CHRND: variants seen among roughly 807,000 people sequenced by gnomAD.
The protein encoded by CHRND is cholinergic receptor nicotinic delta subunit.
Under a neutral mutation model 57.8 loss-of-function variants are expected in CHRND, and 40 were observed. The observed-to-expected ratio is 0.69, with a 90% CI of 0.54 to 0.90. The LOEUF is 0.90. CHRND is among the 40% of genes least tolerant of loss of function. The probability of loss-of-function intolerance (pLI) is 0.00; values close to 1 mark genes in which losing one functional copy is unlikely to be tolerated. For synonymous variants in CHRND, 237 were observed against 270.6 expected, an observed-to-expected ratio of 0.88 and a Z score of 1.22; for missense variants, 634 against 673.9, an observed-to-expected ratio of 0.94 and a Z score of 0.66.
rs1429000526 is a variant in CHRND, at chr2:232,533,654, C to T, written c.1048-277C>T. Among the ~76,000 whole-genome samples, 4 of 152,142 alleles carry T rather than the reference C, an allele frequency of 2.6e-5. No individual in the cohort carries two copies. In the East Asian group the frequency reaches 5.8e-4, roughly 22 times the overall value. On this transcript the variant is annotated intron_variant, in intron 9 of 11. Coordinates refer to ENST00000258385, the MANE Select transcript of CHRND (RefSeq NM_000751.3). ...CAGCACTTTGGGAGGCCAAGTCAGG[C>T]AGATCACGAGGTCAGGAGAGCAAGA...
In CHRND at chr2:232,535,691, C is replaced by A. The variant is rs552885486; in HGVS notation, c.*379C>A. 1 of 470,436 alleles carries A rather than the reference C, an allele frequency of 2.1e-6. No individual in the cohort carries two copies. Among genetic ancestry groups the A allele is most frequent in the South Asian group, 1.6e-5 (1 of 64,398 alleles). The allele number at this position is 470,436 out of a possible 1,614,324, so 29.1% of individuals were successfully genotyped here. ...GTGGGGTAGAGCAGGCAGGAATCTG[C>A]GCCTTCACTCTCTGGCCCCTCCAGC... On this transcript the variant is annotated 3_prime_UTR_variant, in exon 12 of 12. Coordinates refer to ENST00000258385, the MANE Select transcript of CHRND (RefSeq NM_000751.3).
At position 232,535,894 on chromosome 2, in the gene CHRND, A is replaced by T; in HGVS notation, c.*582A>T. ...GACTGGAGTGGAAAGGTCAGGATCGACATCCACAAAGACTTGGGGTCAGCC... is the reference window on the plus strand; with the variant it reads ...GACTGGAGTGGAAAGGTCAGGATCGTCATCCACAAAGACTTGGGGTCAGCC... On this transcript the variant is annotated 3_prime_UTR_variant, in exon 12 of 12. Transcript: ENST00000258385. 2.2e-6 allele frequency: 1 copy of T among 454,100 alleles called. No individual in the cohort carries two copies. Among genetic ancestry groups the T allele is most frequent in the East Asian group, 6.9e-5 (1 of 14,394 alleles). The allele number at this position is 454,100 out of a possible 1,614,324, so 28.1% of individuals were successfully genotyped here.
chr2:232,526,832 C>G (rs1248895940), intron 2 of CHRND, among the ~76,000 whole-genome samples, 158 bp downstream of exon 2: 3 of 152,200 alleles, frequency 2.0e-5, no homozygotes, highest in Non-Finnish European at 4.4e-5. Flanking sequence ...AGGCTGCTGT[C>G]CTGCCCCTCC....
In CHRND at chr2:232,528,549, C is replaced by T; in HGVS notation, c.402C>T (p.Tyr134=). ...QISYSCNVLV[Y]HYGFVYWLPP... ...CCTACTCCTGCAACGTGCTTGTCTACCACTACGGCTTCGTGTACTGGCTGC... is the reference window on the plus strand; with the variant it reads ...CCTACTCCTGCAACGTGCTTGTCTATCACTACGGCTTCGTGTACTGGCTGC... Residue 134 remains tyrosine, a synonymous_variant, in exon 5 of 12, where the codon TAC becomes TAT. Coordinates refer to ENST00000258385, the MANE Select transcript of CHRND (RefSeq NM_000751.3). The T allele has an allele frequency of 6.2e-7, 1 of 1,614,160 alleles. No individual in the cohort carries two copies. Among genetic ancestry groups the T allele is most frequent in the African/African-American group, 1.3e-5 (1 of 75,040 alleles).
intron 11 of CHRND, 83 bp downstream of exon 11, chr2:232,534,425 C>T: frequency 7.4e-7 from 1 of 1,355,654 alleles, no homozygotes; most frequent in Non-Finnish European, 1.1e-6. Flanking sequence ...GGCAGGGTTC[C>T]CCTTAGAGGC....
In CHRND at chr2:232,533,927, C is replaced by T. The variant is rs1476624295; in HGVS notation, c.1048-4C>T. The T allele has an allele frequency of 6.2e-7, 1 of 1,611,992 alleles. No individual in the cohort carries two copies. Among genetic ancestry groups the T allele is most frequent in the East Asian group, 2.2e-5 (1 of 44,894 alleles). ...TTTCTTGTGGCCCCTTGACATGGCC[C>T]CAGCTCTTCCTGGAGACCCTGCCGG... On this transcript the variant is annotated splice_polypyrimidine_tract_variant and splice_region_variant and intron_variant, in intron 9 of 11. Transcript: ENST00000258385.
chr2:232,534,220 G>C lies in CHRND; in HGVS notation c.1253-4G>C. The stretch of plus-strand genomic sequence containing the variant: ...TCACACCCACTCTGGCCCCTCGTCT[G>C]TAGGCCGGCCCCCAGCAAGCTCTGA... On this transcript the variant is annotated splice_region_variant and splice_polypyrimidine_tract_variant and intron_variant, in intron 10 of 11. Coordinates refer to ENST00000258385, the MANE Select transcript of CHRND (RefSeq NM_000751.3). 1 of 1,614,206 alleles carries C rather than the reference G, an allele frequency of 6.2e-7. No homozygotes were observed. The highest frequency in any genetic ancestry group is 8.5e-7 in the Non-Finnish European group (1 of 1,180,036).
In CHRND at chr2:232,528,507, C is replaced by T. The variant is rs764641517; in HGVS notation, c.360C>T (p.Asp120=). ...TCTTGTCCCTGTCCCCCAGCAATGA[C>T]GGCTCCTTCCAGATCTCCTACTCCT... is the stretch of plus-strand genomic sequence containing the variant. ...LPEIVLENNN[D]GSFQISYSCN... is the part of the protein sequence containing the mutation. The change falls in exon 5 of 12, where the codon GAC becomes GAT. Residue 120 remains aspartate (D), a synonymous_variant. Coordinates refer to ENST00000258385, the MANE Select transcript of CHRND (RefSeq NM_000751.3). 46 of 1,613,964 alleles carry T rather than the reference C, an allele frequency of 2.9e-5. No homozygotes were observed. The highest frequency in any genetic ancestry group is 2.5e-4 in the African/African-American group (19 of 74,888).
chr2:232,532,252 G>A (rs1186854531), intron 9 of CHRND, among the ~76,000 whole-genome samples: 1 of 152,026 alleles, frequency 6.6e-6, no homozygotes, highest in Non-Finnish European at 1.5e-5. Context: ...TGGATCACCT[G>A]AGGTCAAGAG....
At position 232,535,365 on chromosome 2, in the gene CHRND, G is replaced by A; in HGVS notation, c.*53G>A. On this transcript the variant is annotated 3_prime_UTR_variant, in exon 12 of 12. Transcript: ENST00000258385. ...AGCAGGGTCTGAGAGAGGAGCCACAGTCCCTAATGACACCCACTCCTAGCC... is the reference window on the plus strand; with the variant it reads ...AGCAGGGTCTGAGAGAGGAGCCACAATCCCTAATGACACCCACTCCTAGCC... The A allele has an allele frequency of 6.3e-7, 1 of 1,595,680 alleles. No homozygotes were observed. The highest frequency in any genetic ancestry group is 1.3e-5 in the African/African-American group (1 of 74,866).
At chr2:232,526,823 G>A in intron 2 of CHRND, 149 bp downstream of exon 2, 1 of 820,274 alleles carries the variant, frequency 1.2e-6, no homozygotes, top group South Asian at 1.6e-5. Context: ...TGCCCTGAGA[G>A]GCTGCTGTCC....
intron 2 of CHRND, 24 bp downstream of exon 2, chr2:232,526,698 T>G: frequency 6.2e-7 from 1 of 1,611,978 alleles, no homozygotes; most frequent in Non-Finnish European, 8.5e-7. Context: ...CGGTGCTGGG[T>G]TGGGAGGGAG....
chr2:232,528,923 C>T lies in CHRND; in HGVS notation c.571C>T (p.Arg191Cys), dbSNP rs778217557. The change falls in exon 6 of 12, where the codon CGC (arginine) becomes TGC (cysteine). Residue 191 changes from arginine (R) to cysteine (C), a missense_variant. Coordinates refer to ENST00000258385, the MANE Select transcript of CHRND (RefSeq NM_000751.3). Reference protein sequence around the residue: ...LSLKQDAKENRTYPVEWIIID... With the variant: ...LSLKQDAKENCTYPVEWIIID... ...CCTGAAACAGGATGCCAAGGAGAAC[C>T]GCACCTACCCCGTGGAGTGGATCAT... is the stretch of plus-strand genomic sequence containing the variant. 25 of 1,613,980 alleles carry T rather than the reference C, an allele frequency of 1.5e-5. No homozygotes were observed. The highest frequency in any genetic ancestry group is 3.3e-5 in the South Asian group (3 of 91,074).
intron 9 of CHRND, 32 bp downstream of exon 9, chr2:232,531,688 A>G (rs1379165620): frequency 1.3e-6 from 2 of 1,567,610 alleles, no homozygotes; most frequent in African/African-American, 1.3e-5. Flanking sequence ...AAAGCTCACC[A>G]CTGTAATCCT....
chr2:232,533,799 C>T (rs1691789559), intron 9 of CHRND, 132 bp from the exon 10 acceptor site: 1 of 910,036 alleles, frequency 1.1e-6, no homozygotes, highest in South Asian at 1.3e-5. Context: ...ATCACTTGAA[C>T]CCGAGAGGTG....
intron 7 of CHRND, 149 bp downstream of exon 7, chr2:232,530,288 G>A (rs1691641013): frequency 2.4e-6 from 2 of 819,104 alleles, no homozygotes; most frequent in Admixed American, 2.0e-5. Flanking sequence ...TGAGGGCCAG[G>A]TGGCCACCCA....
Position 232,528,648 on chromosome 2 carries a change from C to G in CHRND, c.501C>G (p.Leu167=), listed in dbSNP as rs752775205. 2 of 1,614,028 alleles carry G rather than the reference C, an allele frequency of 1.2e-6. No homozygotes were observed. The highest frequency in any genetic ancestry group is 1.7e-6 in the Non-Finnish European group (2 of 1,180,040). The part of the protein sequence containing the change: ...YFPFDWQNCS[L]KFSSLKYTAK... ...CCTTCGACTGGCAGAACTGCTCCCT[C>G]AAGTTCAGGTGTGCCCTTTTCTCCA... Residue 167 remains leucine, a synonymous_variant, in exon 5 of 12, where the codon CTC becomes CTG. Coordinates refer to ENST00000258385, the MANE Select transcript of CHRND (RefSeq NM_000751.3).
Position 232,536,437 on chromosome 2 carries a change from G to T in CHRND, c.*1125G>T. On this transcript the variant is annotated 3_prime_UTR_variant, in exon 12 of 12. Coordinates refer to ENST00000258385, the MANE Select transcript of CHRND (RefSeq NM_000751.3). Reference sequence around the variant, plus strand: ...AGCTGGCATGTTAAGGAGCCCTATGGAGAGGCCCACATGGCAAGGAACTAA... The same window carrying T: ...AGCTGGCATGTTAAGGAGCCCTATGTAGAGGCCCACATGGCAAGGAACTAA... The T allele has an allele frequency of 4.4e-6, 2 of 454,122 alleles. No individual in the cohort carries two copies. Among genetic ancestry groups the T allele is most frequent in the Non-Finnish European group, 4.4e-6 (1 of 226,798 alleles). The allele number at this position is 454,122 out of a possible 1,614,324, so 28.1% of individuals were successfully genotyped here.
Position 232,535,488 on chromosome 2 carries a change from C to T in CHRND, c.*176C>T, listed in dbSNP as rs769760968. ...GGCTCCCCTGAAATCAAGACAGGGG[C>T]CACCCGAGATGGTCTGAGGGTGGAC... On this transcript the variant is annotated 3_prime_UTR_variant, in exon 12 of 12. Coordinates refer to ENST00000258385, the MANE Select transcript of CHRND (RefSeq NM_000751.3). The T allele has an allele frequency of 1.2e-5, 10 of 824,430 alleles. No individual in the cohort carries two copies. Among genetic ancestry groups the T allele is most frequent in the South Asian group, 1.4e-5 (1 of 69,438 alleles). 51.1% of individuals were successfully genotyped at this position (824,430 alleles called of 1,614,324 possible). A position where few individuals can be genotyped will look rare whatever the true frequency, so the allele number is the denominator to read the frequency against.
Sources: allele counts gnomAD v4.1 joint callset (sites outside exome capture counted in the v4.1 genomes callset), GRCh38; gene constraint gnomAD v4.1.1; transcripts MANE v1.5; gene names NCBI Gene and HGNC (gene_info 2026-07-23, HGNC 2026-07-21).